The following CELF2 variants were observed in gnomAD, a reference collection of about 807,000 sequenced individuals.
CELF2 encodes the protein CUGBP Elav-like family member 2, also known as CUG triplet repeat RNA-binding protein 2.
In CELF2, 8 loss-of-function variants were observed where a neutral mutation model predicts 62.6. That is an observed-to-expected ratio of 0.13 (90% CI 0.07 to 0.23). The LOEUF (loss-of-function observed/expected upper bound fraction) is 0.23, where lower values mean the gene tolerates loss of function less well. Ranked by LOEUF, CELF2 falls within the 10% of genes least tolerant of loss-of-function variation. The pLI, the probability that CELF2 is intolerant of heterozygous loss-of-function variation, is 1.00. For synonymous variants in CELF2, 258 were observed against 250.0 expected (o/e 1.03, Z -0.30); for missense variants, 333 against 671.0 (o/e 0.50, Z 5.56).
chr10:11,275,102 G>A lies in CELF2; in HGVS notation c.823G>A (p.Gly275Ser), dbSNP rs573495632. 19 of 1,614,164 alleles carry A rather than the reference G, an allele frequency of 1.2e-5. No homozygotes were observed. Among genetic ancestry groups the A allele is most frequent in the East Asian group, 8.9e-5 (4 of 44,880 alleles). The stretch of plus-strand genomic sequence containing the variant: ...CTCCAGCAACCTGGGTGCGTTCAGC[G>A]GCATTCAACAAATGGCAGGTAAGTC... Reference protein sequence around the residue: ...TSSSNLGAFSGIQQMAGMNAL... With the variant: ...TSSSNLGAFSSIQQMAGMNAL... Residue 275 changes from glycine (G) to serine (S), a missense_variant, in exon 8 of 13, where the codon GGC becomes AGC. Around this residue, in one of 3 missense-constraint regions of CELF2, gnomAD observed 253 missense variants for 503.0 expected, o/e 0.50. Coordinates refer to ENST00000633077, the MANE Select transcript of CELF2 (RefSeq NM_001326342.2).
chr10:10,943,105 G>C (rs933932301), intron 2 of CELF2, among the ~76,000 whole-genome samples: 10 of 152,178 alleles, frequency 6.6e-5, no homozygotes, highest in African/African-American at 2.4e-4. Flanking sequence ...TGCCCCTCCT[G>C]TTGTCCTTCC....
chr10:10,657,683 CAT>C, the CELF2 span, among the ~76,000 whole-genome samples: 257 of 152,178 alleles, frequency 1.7e-3, no homozygotes, highest in African/African-American at 6.1e-3. Flanking sequence ...GATCTACATA[CAT>C]ATGTTATTAA....
the CELF2 span, among the ~76,000 whole-genome samples, chr10:10,572,593 TGAGA>T: frequency 6.6e-6 from 1 of 151,914 alleles, no homozygotes; most frequent in Admixed American, 6.6e-5. Context: ...CACTTATAAG[TGAGA>T]ACATGTGGTG....
intron 2 of CELF2, among the ~76,000 whole-genome samples, chr10:10,959,479 G>A (rs540907200): frequency 8.4e-4 from 128 of 152,152 alleles, no homozygotes; most frequent in Non-Finnish European, 1.4e-3. Context: ...TTTGAGTTCC[G>A]CTCAGAAGAA....
At chr10:11,291,313 C>G (rs1372904339) in intron 9 of CELF2, among the ~76,000 whole-genome samples, 1 of 151,746 alleles carries the variant, frequency 6.6e-6, no homozygotes, top group Non-Finnish European at 1.5e-5. Flanking sequence ...TTTTGCATAC[C>G]CAGGAAAAGT....
At chr10:11,188,832 A>G (rs1161302366) in intron 2 of CELF2, among the ~76,000 whole-genome samples, 2 of 151,996 alleles carry the variant, frequency 1.3e-5, no homozygotes, top group Non-Finnish European at 2.9e-5. Context: ...TTCCTTTTTT[A>G]AAGTCTCTGT....
chr10:11,206,664 C>T (rs2060502297), intron 2 of CELF2, among the ~76,000 whole-genome samples: 1 of 152,182 alleles, frequency 6.6e-6, no homozygotes, highest in Non-Finnish European at 1.5e-5. Flanking sequence ...GAAGCCAGAC[C>T]CTCTAGTTGG....
intron 3 of CELF2, among the ~76,000 whole-genome samples, chr10:11,234,137 G>A (rs952448643): frequency 1.3e-5 from 2 of 152,200 alleles, no homozygotes; most frequent in East Asian, 3.8e-4. Context: ...TGGGAAGGTA[G>A]AGGTGAACAT....
the CELF2 span, among the ~76,000 whole-genome samples, chr10:10,542,360 T>C: frequency 6.6e-6 from 1 of 151,686 alleles, no homozygotes; most frequent in Admixed American, 6.6e-5. Flanking sequence ...TACCACATGA[T>C]GAGGAAAGAA....
At chr10:10,587,061 A>G in the CELF2 span, among the ~76,000 whole-genome samples, 3 of 152,162 alleles carry the variant, frequency 2.0e-5, no homozygotes, top group Admixed American at 2.0e-4. Context: ...TTTAGAAATG[A>G]TCAAAACTGA....
chr10:11,264,349 A>T (rs1388787658), intron 5 of CELF2, among the ~76,000 whole-genome samples: 1 of 152,198 alleles, frequency 6.6e-6, no homozygotes, highest in Non-Finnish European at 1.5e-5. Flanking sequence ...TTTTGTTGAC[A>T]TTTTACATGT....
chr10:10,463,712 C>T, the CELF2 span, among the ~76,000 whole-genome samples: 1 of 152,126 alleles, frequency 6.6e-6, no homozygotes, highest in Admixed American at 6.6e-5. Flanking sequence ...AATGAGTCTG[C>T]TTGGATTTGG....
At chr10:10,916,842 G>C (rs2134558733) in intron 1 of CELF2, among the ~76,000 whole-genome samples, 1 of 152,020 alleles carries the variant, frequency 6.6e-6, no homozygotes, top group East Asian at 1.9e-4. Context: ...CGAACTCCTG[G>C]CCTCAAGTGA....
chr10:10,569,777 T>C, the CELF2 span, among the ~76,000 whole-genome samples: 1 of 152,194 alleles, frequency 6.6e-6, no homozygotes, highest in African/African-American at 2.4e-5. Flanking sequence ...GAGTCACAAC[T>C]TCAGTGGCTT....
At chr10:10,905,367 C>T (rs2063247405) in intron 1 of CELF2, among the ~76,000 whole-genome samples, 1 of 152,182 alleles carries the variant, frequency 6.6e-6, no homozygotes, top group Admixed American at 6.5e-5. Context: ...TTATTCACCA[C>T]CACACAATTA....
intron 1 of CELF2, among the ~76,000 whole-genome samples, chr10:10,873,809 G>A (rs185148495): frequency 1.3e-5 from 2 of 152,098 alleles, no homozygotes; most frequent in East Asian, 1.9e-4. Flanking sequence ...CCTCCTTGTC[G>A]GTTTCCAGAC....
chr10:10,847,293 C>A (rs1309316951), intron 1 of CELF2, among the ~76,000 whole-genome samples: 1 of 152,070 alleles, frequency 6.6e-6, no homozygotes, highest in Non-Finnish European at 1.5e-5. Context: ...TATTCTAGTC[C>A]TGTCTCAAAG....
the CELF2 span, among the ~76,000 whole-genome samples, chr10:10,726,990 G>A: frequency 3.3e-5 from 5 of 152,332 alleles, no homozygotes; most frequent in African/African-American, 1.2e-4. Context: ...GTAGGAGGAA[G>A]AGAGAGGGGG....
intron 7 of CELF2, among the ~76,000 whole-genome samples, chr10:11,273,979 C>T (rs74577560): frequency 7.9e-6 from 1 of 125,828 alleles, no homozygotes; most frequent in South Asian, 2.8e-4. Context: ...CCCCCCCCCC[C>T]CACCTTGGCC....
Sources: allele counts gnomAD v4.1 joint callset (sites outside exome capture counted in the v4.1 genomes callset), GRCh38; gene constraint gnomAD v4.1.1; regional missense constraint gnomAD v4.1.1; transcripts MANE v1.5; gene names NCBI Gene and HGNC (gene_info 2026-07-23, HGNC 2026-07-21).